The following ATP13A4 variants were observed in gnomAD, a reference collection of about 807,000 sequenced individuals.
The protein encoded by ATP13A4 is ATPase 13A4.
Under a neutral mutation model 142.5 loss-of-function variants are expected in ATP13A4, and 114 were observed. The observed-to-expected ratio is 0.80, with a 90% confidence interval of 0.69 to 0.93. The LOEUF (loss-of-function observed/expected upper bound fraction) is 0.93, where lower values mean the gene tolerates loss of function less well. ATP13A4 is among the 40% of genes least tolerant of loss of function. The probability of loss-of-function intolerance (pLI) is 0.00; values close to 1 mark genes in which losing one functional copy is unlikely to be tolerated. For missense variants in ATP13A4, 1,392 were observed against 1,454.0 expected (o/e 0.96, Z 0.69); for synonymous variants, 488 against 514.8 (o/e 0.95, Z 0.70).
At chr3:193,502,395 T>A in intron 3 of ATP13A4, 98 bp downstream of exon 3, 1 of 1,387,454 alleles carries the variant, frequency 7.2e-7, no homozygotes, top group Non-Finnish European at 1.0e-6. Context: ...CACTATCAAA[T>A]GAGGATTGGC....
upstream of ATP13A4, among the ~76,000 whole-genome samples, chr3:193,558,748 C>T (rs1723955165): frequency 6.6e-6 from 1 of 152,072 alleles, no homozygotes; most frequent in Non-Finnish European, 1.5e-5. Context: ...ATTCTGGGGG[C>T]TACAAATTAT....
At chr3:193,512,123 T>C (rs77091930) in intron 2 of ATP13A4, among the ~76,000 whole-genome samples, 2,088 of 152,286 alleles carry the variant, frequency 0.014, 32 homozygotes, top group East Asian at 0.069. Flanking sequence ...AGGCAGAGCG[T>C]GGTTCTGTTT....
chr3:193,406,537 T>C (rs1052735873), intron 29 of ATP13A4, among the ~76,000 whole-genome samples: 1 of 152,212 alleles, frequency 6.6e-6, no homozygotes, highest in Non-Finnish European at 1.5e-5. Flanking sequence ...CTGGTAGTAC[T>C]GAGCAGGGAG....
chr3:193,518,182 C>T (rs1721529600), intron 1 of ATP13A4, among the ~76,000 whole-genome samples: 1 of 152,144 alleles, frequency 6.6e-6, no homozygotes, highest in South Asian at 2.1e-4. Context: ...GCAAAAAAAA[C>T]CATGTGTAAT....
chr3:193,555,644 C>A (rs1723858175), upstream of ATP13A4, among the ~76,000 whole-genome samples: 1 of 152,200 alleles, frequency 6.6e-6, no homozygotes. Flanking sequence ...AGTGCCTGAG[C>A]ACAGGGACTA....
At chr3:193,523,404 A>G (rs557830586) in intron 1 of ATP13A4, among the ~76,000 whole-genome samples, 1 of 152,148 alleles carries the variant, frequency 6.6e-6, no homozygotes, top group Non-Finnish European at 1.5e-5. Context: ...GGAATCAGCC[A>G]TATCTTTAGA....
At position 193,412,262 on chromosome 3, in the gene ATP13A4, AGACT is replaced by A; in HGVS notation, c.3120_3123del (p.Val1041GlyfsTer35). On this transcript the variant is annotated frameshift_variant, in exon 27 of 30. Transcript: ENST00000342695. LOFTEE classifies it high-confidence loss of function. ...ATACAGTTGATTGTTCCCAAGAACCAGACTGTAGTGTTCTCAAAACTTGTGAAGG... is the reference window on the plus strand; with the variant it reads ...ATACAGTTGATTGTTCCCAAGAACCAGTAGTGTTCTCAAAACTTGTGAAGG... 1.2e-6 allele frequency: 2 copies of A among 1,613,500 alleles called. No homozygotes were observed. Among genetic ancestry groups the A allele is most frequent in the Non-Finnish European group, 1.7e-6 (2 of 1,179,412 alleles).
intron 2 of ATP13A4, among the ~76,000 whole-genome samples, chr3:193,568,826 AC>A: frequency 6.6e-6 from 1 of 152,316 alleles, no homozygotes; most frequent in East Asian, 1.9e-4. Flanking sequence ...CAAAGTTGGA[AC>A]CATTTGAGCA....
intron 25 of ATP13A4, among the ~76,000 whole-genome samples, chr3:193,426,751 A>G (rs1403093460): frequency 6.6e-6 from 1 of 151,950 alleles, no homozygotes; most frequent in Non-Finnish European, 1.5e-5. Context: ...GAAGGAAAGA[A>G]TAGTCTCTTC....
At chr3:193,413,472 G>T (rs1057420752) in intron 26 of ATP13A4, among the ~76,000 whole-genome samples, 1 of 152,212 alleles carries the variant, frequency 6.6e-6, no homozygotes, top group African/African-American at 2.4e-5. Flanking sequence ...GGGTCAGGCA[G>T]AATAGAGCCA....
At chr3:193,412,133 C>G (rs765136109) in intron 27 of ATP13A4, 45 bp downstream of exon 27, 1 of 1,523,570 alleles carries the variant, frequency 6.6e-7, no homozygotes, top group South Asian at 1.1e-5. Flanking sequence ...GTCTGTTCCC[C>G]TCTCTGATGA....
At chr3:193,580,592 AT>A (rs950126580) in intron 2 of ATP13A4, among the ~76,000 whole-genome samples, 1 of 152,106 alleles carries the variant, frequency 6.6e-6, no homozygotes, top group Non-Finnish European at 1.5e-5. Context: ...TAGTATATAT[AT>A]TTTTTTATTG....
rs930337883 is a variant in ATP13A4, at chr3:193,455,311, A to G, written c.1916-1099T>C. Reference sequence around the variant, plus strand: ...AGCCGAGATTGCGCCACTGCACTCCAGCCTGGGCAACAGAGCGAGACTCCG... The same window carrying G: ...AGCCGAGATTGCGCCACTGCACTCCGGCCTGGGCAACAGAGCGAGACTCCG... On this transcript the variant is annotated intron_variant, in intron 16 of 29. Transcript: ENST00000342695. Among the ~76,000 whole-genome samples the G allele has an allele frequency of 1.4e-4, 20 of 145,432 alleles. No individual in the cohort carries two copies. In the East Asian group the frequency reaches 2.2e-3, roughly 16 times the overall value.
At chr3:193,570,307 T>G (rs1162549220) in intron 2 of ATP13A4, among the ~76,000 whole-genome samples, 2 of 152,194 alleles carry the variant, frequency 1.3e-5, no homozygotes, top group African/African-American at 4.8e-5. Context: ...GGCAATAGAT[T>G]GAGACTCTGT....
chr3:193,535,005 G>A (rs1722520621), intron 1 of ATP13A4, among the ~76,000 whole-genome samples: 1 of 151,932 alleles, frequency 6.6e-6, no homozygotes, highest in Non-Finnish European at 1.5e-5. Context: ...CCTATATGGA[G>A]AAAAACAGTT....
chr3:193,466,250 A>C, intron 10 of ATP13A4, 68 bp from the exon 11 acceptor site: 2 of 1,577,524 alleles, frequency 1.3e-6, no homozygotes, highest in Non-Finnish European at 1.7e-6. Flanking sequence ...TCCAAACCTC[A>C]ACACTGCCTT....
chr3:193,415,819 C>T (rs899748148), intron 25 of ATP13A4, among the ~76,000 whole-genome samples: 2 of 152,138 alleles, frequency 1.3e-5, no homozygotes, highest in African/African-American at 4.8e-5. Context: ...AGGAAATTTC[C>T]TTGGAGGAAT....
chr3:193,408,275 G>A (rs1714601522), intron 28 of ATP13A4, among the ~76,000 whole-genome samples: 1 of 152,160 alleles, frequency 6.6e-6, no homozygotes, highest in Admixed American at 6.5e-5. Context: ...CTTGTACATG[G>A]CTAAAATGAT....
At chr3:193,495,994 C>T (rs1010446639) in intron 3 of ATP13A4, among the ~76,000 whole-genome samples, 1 of 152,086 alleles carries the variant, frequency 6.6e-6, no homozygotes, top group South Asian at 2.1e-4. Flanking sequence ...TAATAAAATA[C>T]ATAGGAATAA....
Sources: gnomAD v4.1 joint callset for allele counts (sites outside exome capture counted in the v4.1 genomes callset) on GRCh38, gnomAD v4.1.1 for gene constraint, MANE v1.5 for transcripts, NCBI Gene and HGNC (gene_info 2026-07-23, HGNC 2026-07-21) for gene names.